INPP4A: variants seen among roughly 807,000 people sequenced by gnomAD.
The protein encoded by INPP4A is inositol polyphosphate-4-phosphatase type I A.
INPP4A carries 33 observed loss-of-function variants against 119.8 expected under a neutral mutation model. That is an observed-to-expected ratio of 0.28 (90% CI 0.21 to 0.37). The LOEUF (loss-of-function observed/expected upper bound fraction) is 0.37. Among genes scored for constraint, INPP4A ranks in the 10% least tolerant of loss-of-function variants. The pLI is 1.00. For missense variants in INPP4A, 956 were observed against 1,289.9 expected (o/e 0.74, Z 3.97); for synonymous variants, 496 against 500.7 (o/e 0.99, Z 0.12).
At chr2:98,518,400 T>G (rs911909445) in intron 1 of INPP4A, among the ~76,000 whole-genome samples, 6 of 152,242 alleles carry the variant, frequency 3.9e-5, no homozygotes, top group Non-Finnish European at 8.8e-5. Context: ...TCCCCGACCC[T>G]GGTGCTTTGA....
At chr2:98,530,022 C>A (rs552109921) in intron 4 of INPP4A, among the ~76,000 whole-genome samples, 77 of 152,144 alleles carry the variant, frequency 5.1e-4, no homozygotes, top group African/African-American at 1.5e-3. Flanking sequence ...AGAGGAGTAG[C>A]AGCAAGCCAG....
chr2:98,520,280 G>C, intron 3 of INPP4A, 126 bp downstream of exon 3: 1 of 738,676 alleles, frequency 1.4e-6, no homozygotes, highest in Non-Finnish European at 2.3e-6. Flanking sequence ...GGGTACCCTG[G>C]TTTGGCATCC....
At chr2:98,462,249 C>A (rs1414787944) in intron 1 of INPP4A, among the ~76,000 whole-genome samples, 2 of 152,108 alleles carry the variant, frequency 1.3e-5, no homozygotes, top group African/African-American at 4.8e-5. Context: ...GACATCGAGA[C>A]CATCCTGGCT....
chr2:98,513,431 T>G (rs1685507997), intron 1 of INPP4A, among the ~76,000 whole-genome samples: 1 of 152,246 alleles, frequency 6.6e-6, no homozygotes, highest in South Asian at 2.1e-4. Flanking sequence ...GCACTTAACT[T>G]TCTCATTGGT....
chr2:98,450,753 T>C (rs1695077793), intron 1 of INPP4A, among the ~76,000 whole-genome samples: 2 of 152,140 alleles, frequency 1.3e-5, no homozygotes, highest in African/African-American at 4.8e-5. Context: ...GTGGATTTAA[T>C]CTCTTAGTTG....
intron 2 of INPP4A, chr2:98,519,402 T>G (rs1271453708): frequency 1.3e-5 from 2 of 152,342 alleles, no homozygotes; most frequent in Non-Finnish European, 1.5e-5. Context: ...AGGCCCAGAT[T>G]ACATGCTTTG....
chr2:98,581,821 G>A (rs1699356240), intron 24 of INPP4A: 11 of 1,545,838 alleles, frequency 7.1e-6, no homozygotes, highest in Admixed American at 4.1e-5. Flanking sequence ...TCCAGCCACC[G>A]TGTACCTAAC....
At position 98,507,149 on chromosome 2, in the gene INPP4A, C is replaced by T. The variant is rs150688175; in HGVS notation, c.-165-11815C>T. 2.9e-3 allele frequency among the ~76,000 whole-genome samples: 449 copies of T among 152,296 alleles called. 3 individuals are homozygous for T. Among genetic ancestry groups the T allele is most frequent in the African/African-American group, 0.01 (422 of 41,558 alleles). On this transcript the variant is annotated intron_variant, in intron 1 of 24. Coordinates refer to ENST00000409851, the MANE Select transcript of INPP4A (RefSeq NM_001134225.2). ...AGGGGCCATTCTGGCCATTTCTGGC[C>T]TCAGGCTGGGTGACGGTAGAGGATG... is the stretch of plus-strand genomic sequence containing the variant.
chr2:98,559,167 A>G (rs1046385215), intron 16 of INPP4A, among the ~76,000 whole-genome samples: 2 of 152,236 alleles, frequency 1.3e-5, no homozygotes, highest in South Asian at 2.1e-4. Flanking sequence ...TCACATTGTA[A>G]TAAGCTAGAT....
At chr2:98,520,947 C>T (rs1687067677) in intron 4 of INPP4A, 1 of 477,706 alleles carries the variant, frequency 2.1e-6, no homozygotes, top group Non-Finnish European at 3.7e-6. Flanking sequence ...CCTGTCTCCT[C>T]AGCATGGGGC....
At chr2:98,580,891 CA>C (rs1699199807) in intron 24 of INPP4A, among the ~76,000 whole-genome samples, 1 of 152,196 alleles carries the variant, frequency 6.6e-6, no homozygotes, top group African/African-American at 2.4e-5. Flanking sequence ...GAAGAAGCCC[CA>C]AATTTCTAGT....
intron 8 of INPP4A, among the ~76,000 whole-genome samples, chr2:98,538,296 A>G (rs899104612): frequency 1.2e-4 from 18 of 152,172 alleles, no homozygotes; most frequent in Non-Finnish European, 4.4e-5. Context: ...AGGGTGAGCA[A>G]AGAGGCATTT....
intron 17 of INPP4A, among the ~76,000 whole-genome samples, chr2:98,560,141 C>T: frequency 6.6e-6 from 1 of 152,092 alleles, no homozygotes; most frequent in Non-Finnish European, 1.5e-5. Context: ...GTGTGCTGAC[C>T]CCTGATCTAG....
intron 1 of INPP4A, among the ~76,000 whole-genome samples, chr2:98,456,553 G>A (rs555385051): frequency 6.6e-6 from 1 of 152,004 alleles, no homozygotes; most frequent in Admixed American, 6.6e-5. Flanking sequence ...TGCTCAGGCT[G>A]GTCTTGAACT....
chr2:98,576,151 G>C (rs895820121), intron 23 of INPP4A, among the ~76,000 whole-genome samples: 1 of 152,208 alleles, frequency 6.6e-6, no homozygotes, highest in Non-Finnish European at 1.5e-5. Flanking sequence ...CTCAGGTCTG[G>C]TTGTGCTGCC....
At chr2:98,562,945 G>A (rs1695757702) in intron 17 of INPP4A, among the ~76,000 whole-genome samples, 1 of 152,168 alleles carries the variant, frequency 6.6e-6, no homozygotes, top group African/African-American at 2.4e-5. Context: ...CTCCAGGTGT[G>A]CAGGGGTAAG....
chr2:98,503,237 G>A (rs1683454960), intron 1 of INPP4A, among the ~76,000 whole-genome samples: 1 of 152,212 alleles, frequency 6.6e-6, no homozygotes. Flanking sequence ...CAGTAGGAGA[G>A]TCCAAGAGAG....
At chr2:98,456,718 A>G (rs1178843827) in intron 1 of INPP4A, among the ~76,000 whole-genome samples, 1 of 152,222 alleles carries the variant, frequency 6.6e-6, no homozygotes, top group Non-Finnish European at 1.5e-5. Context: ...GTCTTACTTG[A>G]TAGTGCAAAC....
chr2:98,553,425 A>G (rs539604896), intron 14 of INPP4A, among the ~76,000 whole-genome samples: 1 of 152,296 alleles, frequency 6.6e-6, no homozygotes, highest in East Asian at 1.9e-4. Flanking sequence ...CTTAGCCATA[A>G]CTTGATCCTG....
Sources: allele counts gnomAD v4.1 joint callset (sites outside exome capture counted in the v4.1 genomes callset), GRCh38; gene constraint gnomAD v4.1.1; transcripts MANE v1.5; gene names NCBI Gene and HGNC (gene_info 2026-07-23, HGNC 2026-07-21).